Variants in MEF2C observed in about 807,000 individuals in gnomAD.
The protein encoded by MEF2C is myocyte-specific enhancer factor 2C.
MEF2C carries 6 observed loss-of-function variants against 50.5 expected under a neutral mutation model. The ratio of observed to expected loss-of-function variants is 0.12; its 90% CI spans 0.07 to 0.23. MEF2C has a LOEUF of 0.23. Ranked by LOEUF, MEF2C falls within the 10% of genes least tolerant of loss-of-function variation. MEF2C has a pLI of 1.00. For synonymous variants in MEF2C, 183 were observed against 228.0 expected, an observed-to-expected ratio of 0.80 and a Z score of 1.78; for missense variants, 276 against 605.0, an observed-to-expected ratio of 0.46 and a Z score of 5.70.
At chr5:88,876,080 T>C (rs1172748131) in intron 1 of MEF2C, among the ~76,000 whole-genome samples, 1 of 151,114 alleles carries the variant, frequency 6.6e-6, no homozygotes, top group African/African-American at 2.4e-5. Context: ...TTTTTTTTTT[T>C]TTTCCTTTTT....
At chr5:88,732,428 T>C (rs1762101327) in intron 6 of MEF2C, 1 of 152,782 alleles carries the variant, frequency 6.5e-6, no homozygotes, top group African/African-American at 2.4e-5. Flanking sequence ...TTTCTCTGAG[T>C]GAATTCTCTC....
At position 88,720,701 on chromosome 5, in the gene MEF2C, A is replaced by C. The variant is rs2152015896; in HGVS notation, c.*1903T>G. On this transcript the variant is annotated 3_prime_UTR_variant, in exon 11 of 11. Coordinates refer to ENST00000504921, the MANE Select transcript of MEF2C (RefSeq NM_002397.5). ...CTTTCCTAGACTGAAATATCTTTTA[A>C]ACAATATATATTGACTTTCTTATGG... 6.5e-6 allele frequency: 1 copy of C among 152,704 alleles called. No homozygotes were observed. Among genetic ancestry groups the C allele is most frequent in the South Asian group, 2.1e-4 (1 of 4,828 alleles). 9.5% of individuals were successfully genotyped at this position (152,704 alleles called of 1,614,324 possible).
intron 6 of MEF2C, chr5:88,735,963 C>A: frequency 3.0e-6 from 3 of 985,216 alleles, no homozygotes; most frequent in Non-Finnish European, 3.6e-6. Context: ...ATTATGAATA[C>A]AAGCATATAA....
intron 1 of MEF2C, among the ~76,000 whole-genome samples, chr5:88,840,156 G>A (rs1362991708): frequency 6.6e-6 from 1 of 152,116 alleles, no homozygotes; most frequent in East Asian, 1.9e-4. Flanking sequence ...TTCCGGAAAA[G>A]GAGCAACATA....
chr5:88,730,070 C>A, intron 8 of MEF2C, 141 bp downstream of exon 8: 2 of 705,276 alleles, frequency 2.8e-6, no homozygotes, highest in South Asian at 4.1e-5. Flanking sequence ...TGAGTGATGC[C>A]AGAAATTAAT....
intron 4 of MEF2C, among the ~76,000 whole-genome samples, chr5:88,755,414 T>C (rs564265242): frequency 1.3e-5 from 2 of 152,322 alleles, no homozygotes; most frequent in Admixed American, 6.5e-5. Context: ...TACCAAACAC[T>C]ATGCAACACA....
rs1201856917 is a variant in MEF2C at position 88,752,041 on chromosome 5, A to T, written c.405T>A (p.Ala135=). 6.2e-7 allele frequency: 1 copy of T among 1,604,758 alleles called. No homozygotes were observed. The highest frequency in any genetic ancestry group is 8.5e-7 in the Non-Finnish European group (1 of 1,174,426). The part of the protein sequence containing the change: ...DLMISRQRLC[A]VPPPNFEMPV... ...GCATCTCGAAGTTGGGAGGTGGAACAGCCTGCAGGAACAGAAAACAAAACA... is the reference window on the plus strand; with the variant it reads ...GCATCTCGAAGTTGGGAGGTGGAACTGCCTGCAGGAACAGAAAACAAAACA... Residue 135 remains alanine, a splice_region_variant and synonymous_variant, in exon 5 of 11, where the codon GCT becomes GCA. Transcript: ENST00000504921.
intron 1 of MEF2C, among the ~76,000 whole-genome samples, chr5:88,841,033 T>C (rs1022449173): frequency 6.6e-6 from 1 of 152,208 alleles, no homozygotes; most frequent in African/African-American, 2.4e-5. Context: ...TTCATGGCAA[T>C]ATTTCCTTGT....
intron 3 of MEF2C, among the ~76,000 whole-genome samples, chr5:88,769,300 G>T (rs995220540): frequency 3.9e-5 from 6 of 152,100 alleles, no homozygotes; most frequent in African/African-American, 1.4e-4. Context: ...TTTTACATTG[G>T]TCTTATTCTG....
Position 88,786,488 on chromosome 5 carries a change from TAAAC to T in MEF2C, c.258+18106_258+18109del, listed in dbSNP as rs144167341. Among the ~76,000 whole-genome samples, 454 of 152,342 alleles carry T rather than the reference TAAAC, an allele frequency of 3.0e-3. 14 individuals are homozygous for T. In the East Asian group the frequency reaches 0.064, roughly 22 times the overall value. Reference sequence around the variant, plus strand: ...GAAAAAAAAATCTCATCTGTAAAGTTAAACTAACGATGTGGGATGCAACTTTAAG... The same window carrying T: ...GAAAAAAAAATCTCATCTGTAAAGTTTAACGATGTGGGATGCAACTTTAAG... On this transcript the variant is annotated intron_variant, in intron 3 of 10. Transcript: ENST00000504921.
intron 3 of MEF2C, among the ~76,000 whole-genome samples, chr5:88,765,649 G>A (rs1327794753): frequency 6.6e-6 from 1 of 152,216 alleles, no homozygotes; most frequent in Non-Finnish European, 1.5e-5. Flanking sequence ...AAGCTTCTCT[G>A]ATCTTTTACA....
At chr5:88,733,401 T>C in intron 6 of MEF2C, 5 of 985,222 alleles carry the variant, frequency 5.1e-6, no homozygotes, top group South Asian at 4.7e-5. Context: ...TGGGTTTATA[T>C]GGTGGAAATG....
At chr5:88,860,930 C>A (rs1422971104) in intron 1 of MEF2C, among the ~76,000 whole-genome samples, 1 of 152,166 alleles carries the variant, frequency 6.6e-6, no homozygotes, top group Non-Finnish European at 1.5e-5. Flanking sequence ...TACATCTTGA[C>A]CCCTCATGCC....
At chr5:88,811,984 A>G (rs1803031654) in intron 2 of MEF2C, among the ~76,000 whole-genome samples, 1 of 152,174 alleles carries the variant, frequency 6.6e-6, no homozygotes, top group South Asian at 2.1e-4. Context: ...AACAGGCATC[A>G]TATAGAGTTT....
intron 1 of MEF2C, among the ~76,000 whole-genome samples, chr5:88,851,301 T>G (rs1821267255): frequency 6.6e-6 from 1 of 151,766 alleles, no homozygotes; most frequent in Non-Finnish European, 1.5e-5. Flanking sequence ...GTTAATTGAC[T>G]GTTTGTGTTA....
At chr5:88,726,236 A>T (rs558221780) in intron 10 of MEF2C, among the ~76,000 whole-genome samples, 6 of 152,178 alleles carry the variant, frequency 3.9e-5, no homozygotes, top group Admixed American at 2.6e-4. Context: ...AATATATTCC[A>T]CTCTGCTATG....
intron 4 of MEF2C, among the ~76,000 whole-genome samples, chr5:88,759,063 G>T (rs927554992): frequency 1.4e-4 from 21 of 152,218 alleles, no homozygotes; most frequent in Admixed American, 5.2e-4. Context: ...CTGTGCAGGG[G>T]ATTCTTACTA....
intron 1 of MEF2C, among the ~76,000 whole-genome samples, chr5:88,867,121 T>C (rs2153439615): frequency 6.6e-6 from 1 of 152,310 alleles, no homozygotes; most frequent in East Asian, 1.9e-4. Flanking sequence ...AATATATGTT[T>C]TTCTCACTTC....
intron 4 of MEF2C, among the ~76,000 whole-genome samples, chr5:88,755,022 T>G (rs1323944499): frequency 6.6e-6 from 1 of 152,158 alleles, no homozygotes; most frequent in Non-Finnish European, 1.5e-5. Flanking sequence ...ATCCTGCAAT[T>G]TGTCCTGCCC....
Sources: allele counts gnomAD v4.1 joint callset (sites outside exome capture counted in the v4.1 genomes callset), GRCh38; gene constraint gnomAD v4.1.1; transcripts MANE v1.5; gene names NCBI Gene and HGNC (gene_info 2026-07-23, HGNC 2026-07-21).